ARSB: variants seen among roughly 807,000 people sequenced by gnomAD.
ARSB encodes N-acetylgalactosamine-4-sulfatase.
A neutral mutation model predicts 50.9 loss-of-function variants in ARSB; 41 were observed. The ratio of observed to expected loss-of-function variants is 0.81; its 90% confidence interval spans 0.63 to 1.04. The LOEUF is 1.04. Ranked by LOEUF, ARSB falls within the 50% of genes least tolerant of loss-of-function variation. The pLI is 0.00. For synonymous variants in ARSB, 269 were observed against 284.8 expected, an observed-to-expected ratio of 0.94 and a Z score of 0.56; for missense variants, 672 against 693.3, an observed-to-expected ratio of 0.97 and a Z score of 0.35.
intron 4 of ARSB, among the ~76,000 whole-genome samples, chr5:78,930,072 A>G (rs944156892): frequency 7.2e-5 from 11 of 152,094 alleles, no homozygotes; most frequent in African/African-American, 9.7e-5. Flanking sequence ...GGTTATTTGC[A>G]GCCCTGAGTT....
chr5:78,842,406 G>A (rs191782461), intron 5 of ARSB, among the ~76,000 whole-genome samples: 91 of 152,284 alleles, frequency 6.0e-4, no homozygotes, highest in African/African-American at 1.1e-3. Context: ...AGACATGGCC[G>A]ATTGCTGGGG....
intron 5 of ARSB, among the ~76,000 whole-genome samples, chr5:78,863,517 A>G (rs778494787): frequency 2.7e-5 from 4 of 150,664 alleles, no homozygotes; most frequent in Non-Finnish European, 4.4e-5. Context: ...ACAGAAAACC[A>G]AACACTGCAT....
chr5:78,927,243 A>C (rs951513702), intron 4 of ARSB, among the ~76,000 whole-genome samples: 1 of 152,226 alleles, frequency 6.6e-6, no homozygotes, highest in Non-Finnish European at 1.5e-5. Context: ...AATTCATATA[A>C]AAATTATGGA....
At chr5:78,971,849 T>C (rs1490584370) in intron 1 of ARSB, among the ~76,000 whole-genome samples, 1 of 151,034 alleles carries the variant, frequency 6.6e-6, no homozygotes, top group Non-Finnish European at 1.5e-5. Flanking sequence ...GTTTATCGAA[T>C]TGTATACTTG....
At chr5:78,894,879 A>G (rs1033257966) in intron 4 of ARSB, among the ~76,000 whole-genome samples, 1 of 152,144 alleles carries the variant, frequency 6.6e-6, no homozygotes, top group Non-Finnish European at 1.5e-5. Flanking sequence ...GGTGATTGAC[A>G]CTGGACATCC....
intron 3 of ARSB, among the ~76,000 whole-genome samples, chr5:78,960,886 AAG>A (rs1436564999): frequency 2.0e-5 from 3 of 152,182 alleles, no homozygotes; most frequent in African/African-American, 7.2e-5. Flanking sequence ...TTTTAAAAGA[AAG>A]ATATTTTATG....
chr5:78,897,239 G>T (rs1748604347), intron 4 of ARSB, among the ~76,000 whole-genome samples: 1 of 152,172 alleles, frequency 6.6e-6, no homozygotes, highest in African/African-American at 2.4e-5. Context: ...TATTTTGTAA[G>T]TTGTACAGGA....
At chr5:78,933,684 C>T (rs1207830252) in intron 4 of ARSB, among the ~76,000 whole-genome samples, 1 of 151,978 alleles carries the variant, frequency 6.6e-6, no homozygotes, top group Non-Finnish European at 1.5e-5. Context: ...AGAAAGAATA[C>T]TAAAAAATTT....
At chr5:78,797,175 G>A (rs1743216711) in intron 6 of ARSB, among the ~76,000 whole-genome samples, 1 of 152,166 alleles carries the variant, frequency 6.6e-6, no homozygotes, top group African/African-American at 2.4e-5. Flanking sequence ...ACCGCGCCCG[G>A]CAGGTCTCGA....
chr5:78,920,909 T>C (rs542605329), intron 4 of ARSB, among the ~76,000 whole-genome samples: 8 of 152,246 alleles, frequency 5.3e-5, no homozygotes, highest in Admixed American at 3.3e-4. Context: ...TAGAAGCCCA[T>C]GCTATCAGAC....
chr5:78,913,314 C>CG (rs1287061117), intron 4 of ARSB, among the ~76,000 whole-genome samples: 1 of 151,948 alleles, frequency 6.6e-6, no homozygotes, highest in Admixed American at 6.6e-5. Context: ...TTAGTAGAGA[C>CG]GGGGTTTCAC....
intron 6 of ARSB, chr5:78,783,493 CA>C (rs1016885241): frequency 2.8e-4 from 43 of 152,264 alleles, no homozygotes; most frequent in African/African-American, 1.0e-3. Context: ...CACACAGCAG[CA>C]AATCTTTAGC....
chr5:78,812,164 A>G (rs1743831805), intron 6 of ARSB, among the ~76,000 whole-genome samples: 1 of 152,192 alleles, frequency 6.6e-6, no homozygotes, highest in South Asian at 2.1e-4. Flanking sequence ...GAAAGTACAC[A>G]AAGGCTACCC....
chr5:78,872,003 A>T (rs1747214164), intron 5 of ARSB, among the ~76,000 whole-genome samples: 1 of 151,936 alleles, frequency 6.6e-6, no homozygotes. Flanking sequence ...AAAGCGGGCG[A>T]AGGACATGAA....
chr5:78,785,922 T>C (rs1366305056), intron 6 of ARSB, among the ~76,000 whole-genome samples: 1 of 152,158 alleles, frequency 6.6e-6, no homozygotes, highest in Non-Finnish European at 1.5e-5. Flanking sequence ...GTCAGAGAGG[T>C]GGCAACTTTT....
intron 4 of ARSB, among the ~76,000 whole-genome samples, chr5:78,921,842 G>T (rs895652606): frequency 2.6e-5 from 4 of 152,174 alleles, no homozygotes; most frequent in African/African-American, 9.7e-5. Context: ...ACGAATTGCT[G>T]CCATGCCTCA....
At chr5:78,952,556 T>C (rs1308870928) in intron 4 of ARSB, among the ~76,000 whole-genome samples, 1 of 152,086 alleles carries the variant, frequency 6.6e-6, no homozygotes, top group Admixed American at 6.6e-5. Context: ...AGGCTGGTGT[T>C]GAACTCCTGA....
intron 1 of ARSB, among the ~76,000 whole-genome samples, chr5:78,978,117 T>C (rs1022728433): frequency 5.9e-5 from 9 of 152,160 alleles, no homozygotes; most frequent in African/African-American, 2.2e-4. Context: ...GGCAGGTGGA[T>C]CATTTGAGGT....
intron 4 of ARSB, among the ~76,000 whole-genome samples, chr5:78,945,497 A>G (rs1330804925): frequency 2.6e-5 from 4 of 151,980 alleles, no homozygotes; most frequent in African/African-American, 7.3e-5. Flanking sequence ...AGTGCTCCTT[A>G]TCTTCTCTCC....
Sources: gnomAD v4.1 joint callset for allele counts (sites outside exome capture counted in the v4.1 genomes callset) on GRCh38, gnomAD v4.1.1 for gene constraint, MANE v1.5 for transcripts, NCBI Gene and HGNC (gene_info 2026-07-23, HGNC 2026-07-21) for gene names.